The following ZNF324B variants were observed in gnomAD, a reference collection of about 807,000 sequenced individuals.
ZNF324B encodes zinc finger protein 324B.
In ZNF324B, 7 loss-of-function variants were observed where a neutral mutation model predicts 10.6. The ratio of observed to expected loss-of-function variants is 0.66; its 90% CI spans 0.38 to 1.24. The LOEUF (loss-of-function observed/expected upper bound fraction) is 1.24, where lower values mean the gene tolerates loss of function less well. Among genes scored for constraint, ZNF324B ranks in the 50% most tolerant of loss-of-function variants. ZNF324B has a pLI of 0.02. For missense variants in ZNF324B, 640 were observed against 764.7 expected (o/e 0.84, Z 1.92); for synonymous variants, 316 against 321.0 (o/e 0.98, Z 0.17).
At chr19:58,433,040 A>G in the ZNF324B span, 1 of 469,150 alleles carries the variant, frequency 2.1e-6, no homozygotes, top group Non-Finnish European at 3.8e-6. Context: ...TAGAGAACAC[A>G]GGAAGGAAGG....
chr19:58,451,857 T>A, intron 1 of ZNF324B, 153 bp downstream of exon 1: 2 of 259,710 alleles, frequency 7.7e-6, no homozygotes, highest in Non-Finnish European at 1.5e-5. Context: ...TCTGCGCCCA[T>A]GACTGCCGGG....
the ZNF324B span, chr19:58,441,871 TC>T: frequency 6.6e-6 from 1 of 152,538 alleles, no homozygotes; most frequent in East Asian, 1.9e-4. Flanking sequence ...CAGTACATCT[TC>T]CAAGAATGTG....
the ZNF324B span, chr19:58,434,072 G>A: frequency 1.2e-6 from 2 of 1,614,092 alleles, no homozygotes; most frequent in Non-Finnish European, 1.7e-6. Context: ...CACTCAAAAG[G>A]CCGTTCTCCG....
the ZNF324B span, among the ~76,000 whole-genome samples, chr19:58,436,524 T>C: frequency 2.6e-5 from 4 of 151,466 alleles, no homozygotes; most frequent in Admixed American, 6.6e-5. Context: ...AAAAATTAGC[T>C]GGGTGTGGTG....
rs532750687 is a variant in ZNF324B at position 58,455,811 on chromosome 19, G to C, written c.867G>C (p.Gln289His). 9 of 1,614,114 alleles carry C rather than the reference G, an allele frequency of 5.6e-6. No homozygotes were observed. Among genetic ancestry groups the C allele is most frequent in the South Asian group, 1.1e-5 (1 of 91,088 alleles). ...GGGAGCGGCCCTACGAGTGCACCCA[G>C]TGCGGCAAGGCCTTCAGCCAGACGT... ...HTGERPYECT[Q>H]CGKAFSQTSH... Residue 289 changes from glutamine (Q) to histidine (H), a missense_variant, in exon 4 of 4, where the codon CAG (glutamine) becomes CAC (histidine). Coordinates refer to ENST00000336614, the MANE Select transcript of ZNF324B (RefSeq NM_207395.3). The surrounding 1 kb of genome is among the most constrained non-coding windows in gnomAD (Gnocchi z 7.0).
chr19:58,427,340 TTTCTCTTTC>T, the ZNF324B span, among the ~76,000 whole-genome samples: 2 of 92,026 alleles, frequency 2.2e-5, no homozygotes, highest in African/African-American at 1.3e-4. Flanking sequence ...TCTTTCTTTC[TTTCTCTTTC>T]CTTTCTTTCT....
chr19:58,437,909 C>G, the ZNF324B span: 1 of 569,434 alleles, frequency 1.8e-6, no homozygotes, highest in Non-Finnish European at 2.2e-6. Context: ...ATATCTTTGC[C>G]TTTGTATGTG....
In ZNF324B at chr19:58,455,910, C is replaced by T. The variant is rs770110413; in HGVS notation, c.966C>T (p.Phe322=). Reference sequence around the variant, plus strand: ...CGTGCCCCGTGTGCGGCAAGGCCTTCCGGCATAGCTCCTCGCTGGTGCGGC... The same window carrying T: ...CGTGCCCCGTGTGCGGCAAGGCCTTTCGGCATAGCTCCTCGCTGGTGCGGC... ...PYACPVCGKA[F]RHSSSLVRHQ... Residue 322 remains phenylalanine (F), a synonymous_variant, in exon 4 of 4, where the codon TTC becomes TTT. Coordinates refer to ENST00000336614, the MANE Select transcript of ZNF324B (RefSeq NM_207395.3). The surrounding 1 kb of genome is among the most constrained non-coding windows in gnomAD (Gnocchi z 7.0). The T allele has an allele frequency of 6.2e-7, 1 of 1,604,994 alleles. No homozygotes were observed.
chr19:58,437,319 C>G, the ZNF324B span: 16 of 1,310,566 alleles, frequency 1.2e-5, no homozygotes, highest in Non-Finnish European at 1.6e-5. Flanking sequence ...TTCTTATGAT[C>G]CTCTCAGTCC....
the ZNF324B span, among the ~76,000 whole-genome samples, chr19:58,437,541 C>A: frequency 2.0e-5 from 3 of 152,222 alleles, no homozygotes; most frequent in Non-Finnish European, 4.4e-5. Flanking sequence ...GCTCATACCT[C>A]CCAAACATAA....
the ZNF324B span, chr19:58,439,817 G>A: frequency 3.2e-6 from 5 of 1,544,148 alleles, no homozygotes; most frequent in Middle Eastern, 1.7e-4. Flanking sequence ...GCTGGGCAGG[G>A]CCATAACAGG....
chr19:58,434,739 G>C, the ZNF324B span: 1 of 1,614,212 alleles, frequency 6.2e-7, no homozygotes, highest in Non-Finnish European at 8.5e-7. Context: ...TGCACTCGAA[G>C]AGTTTCTGTG....
At chr19:58,449,035 G>A (rs1481051472), upstream of ZNF324B, among the ~76,000 whole-genome samples, 2 of 152,334 alleles carry the variant, frequency 1.3e-5, no homozygotes, top group Non-Finnish European at 1.5e-5. Flanking sequence ...AGAGGCCTAG[G>A]AGGAAAAAAT....
At chr19:58,450,162 C>G (rs1357903696), upstream of ZNF324B, among the ~76,000 whole-genome samples, 4 of 152,130 alleles carry the variant, frequency 2.6e-5, no homozygotes, top group African/African-American at 9.7e-5. Flanking sequence ...CTCATTTGCT[C>G]TTGCCTGCTG....
At chr19:58,434,960 TCTGGTG>T in the ZNF324B span, 1 of 1,614,182 alleles carries the variant, frequency 6.2e-7, no homozygotes, top group South Asian at 1.1e-5. Context: ...CTGTGCTCCT[TCTGGTG>T]CTGGTGAAGG....
chr19:58,418,586 C>T, the ZNF324B span: 1 of 151,452 alleles, frequency 6.6e-6, no homozygotes, highest in Non-Finnish European at 1.5e-5. Flanking sequence ...GCCTTGGCCT[C>T]CCAAAGTGCT....
In ZNF324B at chr19:58,455,381, G is replaced by A; in HGVS notation, c.437G>A (p.Arg146Lys). The change falls in exon 4 of 4, where the codon AGG (arginine) becomes AAG (lysine). Residue 146 changes from arginine (R) to lysine (K), a missense_variant. Around this residue, in one of 3 missense-constraint regions of ZNF324B, gnomAD observed 345 missense variants for 387.9 expected, o/e 0.89. Coordinates refer to ENST00000336614, the MANE Select transcript of ZNF324B (RefSeq NM_207395.3). The surrounding 1 kb of genome is among the most constrained non-coding windows in gnomAD (Gnocchi z 7.0). ...PTGVSVIYWERLLLGSRSDQA... is the reference protein window; with the variant it reads ...PTGVSVIYWEKLLLGSRSDQA... The stretch of plus-strand genomic sequence containing the variant: ...GGGGTGTCGGTGATCTACTGGGAGA[G>A]GCTCCTGCTAGGCTCGCGCAGTGAC... 1 of 1,614,218 alleles carries A rather than the reference G, an allele frequency of 6.2e-7. No individual in the cohort carries two copies. The highest frequency in any genetic ancestry group is 8.5e-7 in the Non-Finnish European group (1 of 1,180,034).
At chr19:58,453,875 C>G (rs1193148561) in intron 2 of ZNF324B, 53 bp downstream of exon 2, 1 of 1,584,188 alleles carries the variant, frequency 6.3e-7, no homozygotes, top group Non-Finnish European at 8.6e-7. Flanking sequence ...TCAGGACTGC[C>G]TCTTCACTTC....
the ZNF324B span, chr19:58,440,576 A>T: frequency 1.3e-5 from 2 of 152,364 alleles, no homozygotes; most frequent in East Asian, 3.9e-4. Flanking sequence ...AACAGGAGCG[A>T]GGAAGGCACG....
Sources: gnomAD v4.1 joint callset for allele counts (sites outside exome capture counted in the v4.1 genomes callset) on GRCh38, gnomAD v4.1.1 for gene constraint, gnomAD v4.1.1 regional missense constraint, Gnocchi (gnomAD v3.1) non-coding constraint, MANE v1.5 for transcripts, NCBI Gene and HGNC (gene_info 2026-07-23, HGNC 2026-07-21) for gene names.